HEATR1: variants seen among roughly 807,000 people sequenced by gnomAD.
HEATR1 encodes the protein HEAT repeat-containing protein 1.
In HEATR1, 77 loss-of-function variants were observed where a neutral mutation model predicts 248.2. The ratio of observed to expected loss-of-function variants is 0.31; its 90% CI spans 0.26 to 0.37. The LOEUF is 0.37. Among genes scored for constraint, HEATR1 ranks in the 10% least tolerant of loss-of-function variants. The pLI, the probability that HEATR1 is intolerant of heterozygous loss-of-function variation, is 1.00. For missense variants in HEATR1, 2,420 were observed against 2,504.9 expected, an observed-to-expected ratio of 0.97 and a Z score of 0.72; for synonymous variants, 897 against 923.1, an observed-to-expected ratio of 0.97 and a Z score of 0.51.
At chr1:236,555,976 A>G (rs1180983449) in intron 38 of HEATR1, 37 bp from the exon 39 acceptor site, 1 of 1,611,924 alleles carries the variant, frequency 6.2e-7, no homozygotes, top group South Asian at 1.1e-5. Flanking sequence ...GCCATTTTCA[A>G]ATGATTCCTA....
intron 6 of HEATR1, 37 bp from the exon 7 acceptor site, chr1:236,596,081 C>T: frequency 7.0e-7 from 1 of 1,436,298 alleles, no homozygotes; most frequent in Non-Finnish European, 9.7e-7. Context: ...AATGATAAAC[C>T]ATATTATTTT....
At position 236,574,198 on chromosome 1, in the gene HEATR1, T is replaced by C. The variant is rs1558184073; in HGVS notation, c.3459+4A>G. 6.3e-7 allele frequency: 1 copy of C among 1,597,104 alleles called. No individual in the cohort carries two copies. Among genetic ancestry groups the C allele is most frequent in the Non-Finnish European group, 8.5e-7 (1 of 1,175,528 alleles). ...AAAAAAATTACAAGAAGTTTGCAGC[T>C]TACCCCTTTAAAAACACTGCTGACA... On this transcript the variant is annotated splice_donor_region_variant and intron_variant, in intron 24 of 44. Transcript: ENST00000366582.
Position 236,559,833 on chromosome 1 carries a change from G to A in HEATR1, c.4651C>T (p.Leu1551=). 6.2e-7 allele frequency: 1 copy of A among 1,604,142 alleles called. No individual in the cohort carries two copies. Among genetic ancestry groups the A allele is most frequent in the South Asian group, 1.1e-5 (1 of 89,854 alleles). Residue 1551 remains leucine, a synonymous_variant, in exon 34 of 45, where the codon CTG becomes TTG. Transcript: ENST00000366582. ...EILKGLEERL[L]ETVLGYISAV... ...CTGATATAGCCGAGAACGGTCTCCAGCAACCTGAAACACAGAGGCTCGCTC... is the reference window on the plus strand; with the variant it reads ...CTGATATAGCCGAGAACGGTCTCCAACAACCTGAAACACAGAGGCTCGCTC...
chr1:236,604,234 T>G, intron 1 of HEATR1, 107 bp from the exon 2 acceptor site: 1 of 860,756 alleles, frequency 1.2e-6, no homozygotes, highest in Non-Finnish European at 1.7e-6. Context: ...ACAACGCGGG[T>G]GTCCTGAGAT....
rs1663280054 is a variant in HEATR1 at position 236,566,660 on chromosome 1, C to T, written c.4294G>A (p.Ala1432Thr). ...QYVTKTVLAA[A>T]YGEKDAILEA... The stretch of plus-strand genomic sequence containing the variant: ...TAGGTTCTGACCTTTTCGCCATAGG[C>T]AGCCGCCAGCACTGTTTTTGTGACA... Residue 1432 changes from alanine to threonine, a missense_variant, in exon 30 of 45, where the codon GCC becomes ACC. Ala to Thr is a moderately conservative substitution (Grantham distance 58). Coordinates refer to ENST00000366582, the MANE Select transcript of HEATR1 (RefSeq NM_018072.6). 1 of 1,613,368 alleles carries T rather than the reference C, an allele frequency of 6.2e-7. No individual in the cohort carries two copies. The highest frequency in any genetic ancestry group is 1.7e-5 in the Admixed American group (1 of 59,982).
Position 236,564,162 on chromosome 1 carries a change from A to T in HEATR1, c.4599+336T>A, listed in dbSNP as rs114148111. Among the ~76,000 whole-genome samples, 440 of 152,340 alleles carry T rather than the reference A, an allele frequency of 2.9e-3. 5 individuals are homozygous for T. The highest frequency in any genetic ancestry group is 1.0e-2 in the African/African-American group (414 of 41,580). On this transcript the variant is annotated intron_variant, in intron 32 of 44. Coordinates refer to ENST00000366582, the MANE Select transcript of HEATR1 (RefSeq NM_018072.6). ...GGCAATTTATCTACTCTGCTGGTAG[A>T]CACTGGAGTTGTTACCAGTTTTGTG...
chr1:236,585,192 C>G lies in HEATR1; in HGVS notation c.2074G>C (p.Glu692Gln). The G allele has an allele frequency of 1.2e-6, 2 of 1,612,070 alleles. No homozygotes were observed. Among genetic ancestry groups the G allele is most frequent in the Non-Finnish European group, 1.7e-6 (2 of 1,179,324 alleles). ...TGCTTCAGGTTAAAGGACTCCTCCTCACCCACGCTTATTAAATCCTCCACC... is the reference window on the plus strand; with the variant it reads ...TGCTTCAGGTTAAAGGACTCCTCCTGACCCACGCTTATTAAATCCTCCACC... ...KMVEDLISVGEEESFNLKQKV... is the reference protein window; with the variant it reads ...KMVEDLISVGQEESFNLKQKV... Residue 692 changes from glutamate (E) to glutamine (Q), a missense_variant, in exon 17 of 45, where the codon GAG becomes CAG. Physicochemically the swap from Glu to Gln is conservative, Grantham distance 29. Transcript: ENST00000366582.
rs911693962 is a variant in HEATR1 at position 236,603,208 on chromosome 1, T to C, written c.311A>G (p.Tyr104Cys). ...ISLFLIHLSPYFLLKPAQKCL... is the reference protein window; with the variant it reads ...ISLFLIHLSPCFLLKPAQKCL... ...CTTCTGTGCTGGCTTAAGCAGGAAG[T>C]AAGGCGACAAGTGAATAAGGAATAA... is the stretch of plus-strand genomic sequence containing the variant. The change falls in exon 3 of 45, where the codon TAC (tyrosine) becomes TGC (cysteine). Residue 104 changes from tyrosine (Y) to cysteine (C), a missense_variant. Coordinates refer to ENST00000366582, the MANE Select transcript of HEATR1 (RefSeq NM_018072.6). 5 of 1,614,168 alleles carry C rather than the reference T, an allele frequency of 3.1e-6. No individual in the cohort carries two copies. Among genetic ancestry groups the C allele is most frequent in the Non-Finnish European group, 4.2e-6 (5 of 1,180,018 alleles).
intron 20 of HEATR1, among the ~76,000 whole-genome samples, 195 bp from the exon 21 acceptor site, chr1:236,577,144 C>CAAAT (rs57813451): frequency 0.63 from 95,836 of 151,392 alleles, 31,329 homozygotes; most frequent in Non-Finnish European, 0.72. Flanking sequence ...TGAAAATACA[C>CAAAT]AAGAGCATAC....
intron 29 of HEATR1, 57 bp from the exon 30 acceptor site, chr1:236,566,933 G>A: frequency 8.5e-7 from 1 of 1,170,434 alleles, no homozygotes; most frequent in Non-Finnish European, 1.3e-6. Context: ...CACAAAACAA[G>A]TTTAGGTGAA....
intron 33 of HEATR1, 92 bp from the exon 34 acceptor site, chr1:236,559,929 A>C (rs1231196979): frequency 1.5e-6 from 2 of 1,315,122 alleles, no homozygotes; most frequent in Non-Finnish European, 2.1e-6. Context: ...TCAAGTAGAA[A>C]GACGAGTTAA....
chr1:236,604,337 T>C (rs1300102429), intron 1 of HEATR1, 85 bp downstream of exon 1: 5 of 390,012 alleles, frequency 1.3e-5, no homozygotes, highest in Non-Finnish European at 2.3e-5. Flanking sequence ...TCAACCCTGA[T>C]TCCGCAGATA....
chr1:236,565,906 G>T lies in HEATR1; in HGVS notation c.4435+13C>A. On this transcript the variant is annotated intron_variant, in intron 31 of 44. Coordinates refer to ENST00000366582, the MANE Select transcript of HEATR1 (RefSeq NM_018072.6). ...TCAGATTGAACAGTAAGTGACACCC[G>T]ATCTACGCTTACCTTCTTTTTCCTC... 1 of 1,610,502 alleles carries T rather than the reference G, an allele frequency of 6.2e-7. No individual in the cohort carries two copies. Among genetic ancestry groups the T allele is most frequent in the South Asian group, 1.1e-5 (1 of 90,396 alleles).
intron 4 of HEATR1, 70 bp downstream of exon 4, chr1:236,599,412 AT>A: frequency 1.5e-6 from 2 of 1,367,572 alleles, no homozygotes; most frequent in Non-Finnish European, 2.0e-6. Context: ...GCAATGACTT[AT>A]TTTTTCCTAA....
At position 236,571,622 on chromosome 1, in the gene HEATR1, A is replaced by T. The variant is rs1215180884; in HGVS notation, c.3772T>A (p.Cys1258Ser). The T allele has an allele frequency of 1.9e-6, 3 of 1,614,158 alleles. No individual in the cohort carries two copies. In the South Asian group the frequency reaches 3.3e-5, roughly 18 times the overall value. ...AGTTTTTGGCAGATGTTGAGCAGACAACTAAGAATTAATTGTTTGGTGTAT... is the reference window on the plus strand; with the variant it reads ...AGTTTTTGGCAGATGTTGAGCAGACTACTAAGAATTAATTGTTTGGTGTAT... ...MEYTKQLILSCLLNICQKLSP... is the reference protein window; with the variant it reads ...MEYTKQLILSSLLNICQKLSP... Residue 1258 changes from cysteine to serine, a missense_variant, in exon 27 of 45, where the codon TGT becomes AGT. Transcript: ENST00000366582.
At chr1:236,584,964 T>C in intron 17 of HEATR1, 61 bp downstream of exon 17, 1 of 1,434,352 alleles carries the variant, frequency 7.0e-7, no homozygotes, top group East Asian at 2.3e-5. Context: ...TTGCTGTGAC[T>C]AATAGGCCAG....
At chr1:236,601,924 G>GT (rs1340739690) in intron 3 of HEATR1, among the ~76,000 whole-genome samples, 5 of 151,006 alleles carry the variant, frequency 3.3e-5, no homozygotes, top group Non-Finnish European at 7.4e-5. Flanking sequence ...GAGGTCAGGA[G>GT]TTTGAGACCA....
In HEATR1 at chr1:236,572,804, G is replaced by A; in HGVS notation, c.3484C>T (p.Arg1162Ter). 1 of 1,613,814 alleles carries A rather than the reference G, an allele frequency of 6.2e-7. No individual in the cohort carries two copies. Among genetic ancestry groups the A allele is most frequent in the Non-Finnish European group, 8.5e-7 (1 of 1,179,808 alleles). ...TTATCTGGTGGCTCCAGTTCTATTC[G>A]GACTTGTTCAGCATTAACGGAAATC... ...KGISVNAEQVRIELEPPDKAK... is the reference protein window; with the variant it reads ...KGISVNAEQV Residue 1162 changes from arginine (R) to a stop codon, truncating the protein, a stop_gained, in exon 25 of 45, where the codon CGA becomes TGA. Coordinates refer to ENST00000366582, the MANE Select transcript of HEATR1 (RefSeq NM_018072.6). LOFTEE classifies it high-confidence loss of function.
At position 236,599,615 on chromosome 1, in the gene HEATR1, T is replaced by C; in HGVS notation, c.369A>G (p.Ile123Met). Residue 123 changes from isoleucine (I) to methionine (M), a missense_variant, in exon 4 of 45, where the codon ATA becomes ATG. Physicochemically the swap from Ile to Met is conservative, Grantham distance 10. Coordinates refer to ENST00000366582, the MANE Select transcript of HEATR1 (RefSeq NM_018072.6). Reference protein sequence around the residue: ...CLEWLIHRFHIHLYNQDSLIA... With the variant: ...CLEWLIHRFHMHLYNQDSLIA... ...TGAGGCTATCTTGATTATAGAGATG[T>C]ATATGGAACCTGGGGAAAAAAAGCA... 3 of 1,606,738 alleles carry C rather than the reference T, an allele frequency of 1.9e-6. No individual in the cohort carries two copies. The highest frequency in any genetic ancestry group is 2.5e-6 in the Non-Finnish European group (3 of 1,176,682).
Sources: gnomAD v4.1 joint callset for allele counts (sites outside exome capture counted in the v4.1 genomes callset) on GRCh38, gnomAD v4.1.1 for gene constraint, MANE v1.5 for transcripts, NCBI Gene and HGNC (gene_info 2026-07-23, HGNC 2026-07-21) for gene names.